The following CASK variants were observed in gnomAD, a reference collection of about 807,000 sequenced individuals.
CASK encodes the protein peripheral plasma membrane protein CASK.
A neutral mutation model predicts 82.9 loss-of-function variants in CASK; 4 were observed. That is an observed-to-expected ratio of 0.05 (90% confidence interval 0.02 to 0.11). The LOEUF (loss-of-function observed/expected upper bound fraction) is 0.11, where lower values mean the gene tolerates loss of function less well. CASK is among the 10% of genes least tolerant of loss of function. The probability of loss-of-function intolerance (pLI) is 1.00; values close to 1 mark genes in which losing one functional copy is unlikely to be tolerated. For missense variants in CASK, 358 were observed against 720.9 expected, an observed-to-expected ratio of 0.50 and a Z score of 5.76; for synonymous variants, 259 against 253.5, an observed-to-expected ratio of 1.02 and a Z score of -0.20.
At chrX:41,765,945 G>A (rs1402933653) in intron 3 of CASK, among the ~76,000 whole-genome samples, 3 of 112,003 alleles carry the variant, frequency 2.7e-5, no homozygotes, top group Non-Finnish European at 3.8e-5. Flanking sequence ...AATAAGATCA[G>A]TGGATTGTAT....
At chrX:41,555,318 G>A (rs2147141446) in intron 20 of CASK, among the ~76,000 whole-genome samples, 2 of 111,561 alleles carry the variant, frequency 1.8e-5, no homozygotes, top group Admixed American at 9.6e-5. Context: ...TCTTTTGCAT[G>A]CCAGAGGCAG....
intron 3 of CASK, among the ~76,000 whole-genome samples, chrX:41,760,722 G>A (rs1367473755): frequency 9.0e-6 from 1 of 110,676 alleles, no homozygotes; most frequent in African/African-American, 3.3e-5. Context: ...CCAAGTTCTC[G>A]AGTTTCTCTC....
At chrX:41,690,448 G>A (rs930304837) in intron 5 of CASK, among the ~76,000 whole-genome samples, 3 of 109,884 alleles carry the variant, frequency 2.7e-5, no homozygotes, top group Non-Finnish European at 5.7e-5. Context: ...CCGGGTTCAA[G>A]CAATTCTCCA....
chrX:41,616,540 T>C (rs940311534), intron 11 of CASK, among the ~76,000 whole-genome samples: 1 of 111,739 alleles, frequency 8.9e-6, no homozygotes, highest in Non-Finnish European at 1.9e-5. Context: ...GTGTGGTTTA[T>C]GCATGAATAT....
chrX:41,643,953 T>C (rs1484721687), intron 8 of CASK, among the ~76,000 whole-genome samples: 1 of 111,995 alleles, frequency 8.9e-6, no homozygotes, highest in African/African-American at 3.2e-5. Context: ...GTTCCATCAA[T>C]ACCTAGTTTA....
chrX:41,718,960 T>C (rs2068113452), intron 5 of CASK, among the ~76,000 whole-genome samples: 1 of 112,484 alleles, frequency 8.9e-6, no homozygotes, highest in African/African-American at 3.2e-5. Flanking sequence ...TCTTGAGTAA[T>C]GGGCCACCTG....
chrX:41,901,429 G>A (rs2072377987), intron 1 of CASK, among the ~76,000 whole-genome samples: 1 of 109,116 alleles, frequency 9.2e-6, no homozygotes, highest in African/African-American at 3.4e-5. Context: ...CAAGGCTGCA[G>A]TGAGCTGTGA....
At chrX:41,865,928 T>C (rs1256012593) in intron 1 of CASK, among the ~76,000 whole-genome samples, 1 of 111,924 alleles carries the variant, frequency 8.9e-6, no homozygotes, top group Non-Finnish European at 1.9e-5. Flanking sequence ...TACTGGGGCC[T>C]GGGTCTCCTT....
intron 8 of CASK, among the ~76,000 whole-genome samples, chrX:41,639,446 A>C (rs1347697652): frequency 9.2e-6 from 1 of 109,111 alleles, no homozygotes; most frequent in African/African-American, 3.3e-5. Flanking sequence ...GTTTAAAAAA[A>C]AAAAAAAAGC....
intron 21 of CASK, among the ~76,000 whole-genome samples, chrX:41,545,636 C>T (rs186299963): frequency 5.4e-5 from 6 of 111,606 alleles, no homozygotes; most frequent in South Asian, 3.8e-4. Flanking sequence ...TGGCTATTCC[C>T]GACCTTGTGC....
At chrX:41,818,157 G>T (rs1410031341) in intron 2 of CASK, among the ~76,000 whole-genome samples, 1 of 105,826 alleles carries the variant, frequency 9.4e-6, no homozygotes. Context: ...GTGTGTGTGT[G>T]TGTGTGTGTG....
At chrX:41,919,213 A>AG (rs1198875753) in intron 1 of CASK, 2 of 112,277 alleles carry the variant, frequency 1.8e-5, no homozygotes, top group South Asian at 7.4e-4. Context: ...AGATCCATAA[A>AG]TAAGTAACTG....
At chrX:41,589,331 T>C (rs2065707578) in intron 13 of CASK, among the ~76,000 whole-genome samples, 184 bp downstream of exon 13, 1 of 112,253 alleles carries the variant, frequency 8.9e-6, no homozygotes, top group Non-Finnish European at 1.9e-5. Flanking sequence ...ATCTAGGCAA[T>C]ATTGCTGCAG....
intron 2 of CASK, among the ~76,000 whole-genome samples, chrX:41,801,746 C>T (rs778071430): frequency 1.8e-5 from 2 of 111,055 alleles, no homozygotes; most frequent in Non-Finnish European, 3.8e-5. Context: ...TTATCCTTAC[C>T]CCACTTTTTG....
chrX:41,659,381 C>A (rs1197967639), intron 8 of CASK, among the ~76,000 whole-genome samples: 2 of 110,121 alleles, frequency 1.8e-5, no homozygotes, highest in Non-Finnish European at 3.8e-5. Context: ...GCGCCCGCCA[C>A]CACGCTAGGC....
At chrX:41,684,722 T>A (rs745683129) in intron 5 of CASK, among the ~76,000 whole-genome samples, 31 of 111,402 alleles carry the variant, frequency 2.8e-4, no homozygotes, top group Non-Finnish European at 3.8e-5. Context: ...GGTCTCGAAC[T>A]CCTGGCCTCA....
At chrX:41,797,147 T>C (rs1158718783) in intron 2 of CASK, among the ~76,000 whole-genome samples, 8 of 56,139 alleles carry the variant, frequency 1.4e-4, no homozygotes, top group Non-Finnish European at 3.0e-4. Context: ...TTAGCTCTTG[T>C]TTTTTTTTTT....
At chrX:41,610,749 C>T (rs982596446) in intron 11 of CASK, among the ~76,000 whole-genome samples, 1 of 111,564 alleles carries the variant, frequency 9.0e-6, no homozygotes, top group African/African-American at 3.3e-5. Context: ...CTTTAAGTTT[C>T]TTCTCATAAC....
chrX:41,543,849 T>G (rs2064979933), intron 21 of CASK, among the ~76,000 whole-genome samples: 1 of 112,463 alleles, frequency 8.9e-6, no homozygotes, highest in Non-Finnish European at 1.9e-5. Context: ...TTCCTATTGT[T>G]CCATTTCCTT....
Sources: allele counts gnomAD v4.1 joint callset (sites outside exome capture counted in the v4.1 genomes callset), GRCh38; gene constraint gnomAD v4.1.1; transcripts MANE v1.5; gene names NCBI Gene and HGNC (gene_info 2026-07-23, HGNC 2026-07-21).